Variants in EPB41L2 observed in about 807,000 individuals in gnomAD.
EPB41L2 encodes erythrocyte membrane protein band 4.1 like 2.
EPB41L2 carries 43 observed loss-of-function variants against 113.0 expected under a neutral mutation model. The observed-to-expected ratio is 0.38, with a 90% CI of 0.30 to 0.49. EPB41L2 has a LOEUF of 0.49. Among genes scored for constraint, EPB41L2 ranks in the 20% least tolerant of loss-of-function variants. The pLI, the probability that EPB41L2 is intolerant of heterozygous loss-of-function variation, is 0.95. For missense variants in EPB41L2, 1,147 were observed against 1,223.4 expected, an observed-to-expected ratio of 0.94 and a Z score of 0.93; for synonymous variants, 442 against 436.7, an observed-to-expected ratio of 1.01 and a Z score of -0.15.
In EPB41L2 at chr6:130,839,576, C is replaced by G; in HGVS notation, c.*1028G>C. 6.6e-6 allele frequency: 1 copy of G among 152,198 alleles called. No homozygotes were observed. Among genetic ancestry groups the G allele is most frequent in the Non-Finnish European group, 1.5e-5 (1 of 68,052 alleles). 9.4% of individuals were successfully genotyped at this position (152,198 alleles called of 1,614,324 possible). A position where few individuals can be genotyped will look rare whatever the true frequency, so the allele number is the denominator to read the frequency against. On this transcript the variant is annotated 3_prime_UTR_variant, in exon 20 of 20. Coordinates refer to ENST00000337057, the MANE Select transcript of EPB41L2 (RefSeq NM_001431.4). Reference sequence around the variant, plus strand: ...ACAGAACACCACCACAGCCCCCTCCCCCTCTCCCCAGCATCCTCAAACCTG... The same window carrying G: ...ACAGAACACCACCACAGCCCCCTCCGCCTCTCCCCAGCATCCTCAAACCTG...
intron 13 of EPB41L2, among the ~76,000 whole-genome samples, chr6:130,878,935 A>C (rs1294069764): frequency 6.6e-6 from 1 of 152,218 alleles, no homozygotes; most frequent in African/African-American, 2.4e-5. Context: ...TGCCAAGCAC[A>C]AAAGTGGGGT....
chr6:130,951,057 G>T (rs1463182629), intron 3 of EPB41L2, among the ~76,000 whole-genome samples: 4 of 151,966 alleles, frequency 2.6e-5, no homozygotes, highest in African/African-American at 4.8e-5. Flanking sequence ...AGGAGTTTGA[G>T]ACCAGCCTGG....
At chr6:130,901,964 T>C (rs1338709639) in intron 6 of EPB41L2, among the ~76,000 whole-genome samples, 1 of 152,252 alleles carries the variant, frequency 6.6e-6, no homozygotes, top group Non-Finnish European at 1.5e-5. Context: ...ACTACGGTTA[T>C]AAAAGAATTT....
chr6:130,964,066 G>A (rs973588787), intron 1 of EPB41L2, among the ~76,000 whole-genome samples: 76 of 151,788 alleles, frequency 5.0e-4, no homozygotes, highest in African/African-American at 1.8e-3. Context: ...TGTCGCCCAG[G>A]GCTGAAGTGC....
intron 1 of EPB41L2, among the ~76,000 whole-genome samples, chr6:130,999,748 T>C (rs1202312737): frequency 2.0e-5 from 3 of 152,168 alleles, no homozygotes; most frequent in East Asian, 1.9e-4. Flanking sequence ...CTGAATCATA[T>C]TAATTTTAGA....
In EPB41L2 at chr6:130,858,293, C is replaced by T. The variant is rs146019729; in HGVS notation, c.2911-50G>A. 3.5e-4 allele frequency: 513 copies of T among 1,457,034 alleles called. 7 individuals carry two copies. The East Asian group carries it at 9.7e-3, about 28-fold the overall frequency. 90.3% of individuals were successfully genotyped at this position (1,457,034 alleles called of 1,614,324 possible). ...GCTGTGAGCTGGGGAACAGCCTCCA[C>T]CTCACAATGGCAAAACACACACACA... On this transcript the variant is annotated intron_variant, in intron 18 of 19. Transcript: ENST00000337057.
intron 2 of EPB41L2, among the ~76,000 whole-genome samples, chr6:130,955,713 A>G (rs1817220056): frequency 6.6e-6 from 1 of 152,230 alleles, no homozygotes; most frequent in Non-Finnish European, 1.5e-5. Flanking sequence ...ATAAAAGAGC[A>G]TTCTGTTTAA....
Position 130,956,070 on chromosome 6 carries a change from A to G in EPB41L2, c.416T>C (p.Ile139Thr), listed in dbSNP as rs1817340547. 2 of 1,613,720 alleles carry G rather than the reference A, an allele frequency of 1.2e-6. No individual in the cohort carries two copies. The highest frequency in any genetic ancestry group is 8.5e-7 in the Non-Finnish European group (1 of 1,179,944). ...AEEMAQKKQE[I>T]KVEVKEEKPS... ...TTTTTCTTCCTTGACTTCAACTTTA[A>G]TCTCTTGTTTCTTCTGAGCCATTTC... The change falls in exon 2 of 20, where the codon ATT becomes ACT. Residue 139 changes from isoleucine (I) to threonine (T), a missense_variant. Physicochemically the swap from Ile to Thr is moderately conservative, Grantham distance 89. Transcript: ENST00000337057.
At chr6:130,862,206 T>C (rs574654715) in intron 18 of EPB41L2, among the ~76,000 whole-genome samples, 62 of 152,324 alleles carry the variant, frequency 4.1e-4, no homozygotes, top group African/African-American at 1.4e-3. Flanking sequence ...ATTTTGGCTT[T>C]TGTTATAAAA....
chr6:130,976,250 T>G (rs1233002947), intron 1 of EPB41L2, among the ~76,000 whole-genome samples: 2 of 152,172 alleles, frequency 1.3e-5, no homozygotes, highest in African/African-American at 2.4e-5. Context: ...TACTGACATA[T>G]CTGATGTAGG....
intron 1 of EPB41L2, among the ~76,000 whole-genome samples, chr6:131,041,718 T>C (rs1419379526): frequency 4.0e-5 from 6 of 151,796 alleles, no homozygotes; most frequent in Non-Finnish European, 7.4e-5. Context: ...CAATTGAATA[T>C]AGAAAAAACA....
At chr6:130,885,397 G>T (rs1018548698) in intron 11 of EPB41L2, 129 bp from the exon 12 acceptor site, 1 of 791,814 alleles carries the variant, frequency 1.3e-6, no homozygotes, top group African/African-American at 1.7e-5. Context: ...CATTGCTTGA[G>T]CTCTGAAAAT....
chr6:130,872,182 C>A (rs1212570539), intron 14 of EPB41L2, among the ~76,000 whole-genome samples: 1 of 151,970 alleles, frequency 6.6e-6, no homozygotes, highest in Non-Finnish European at 1.5e-5. Context: ...ACCAAAGAAG[C>A]AGGAGAAACA....
intron 1 of EPB41L2, among the ~76,000 whole-genome samples, chr6:130,976,150 A>G (rs892017043): frequency 1.3e-5 from 2 of 152,206 alleles, no homozygotes; most frequent in South Asian, 4.1e-4. Flanking sequence ...CAGGAGTTTC[A>G]TGACTCTTCA....
At chr6:130,909,377 T>C (rs1457651075) in intron 4 of EPB41L2, among the ~76,000 whole-genome samples, 2 of 152,164 alleles carry the variant, frequency 1.3e-5, no homozygotes, top group Non-Finnish European at 2.9e-5. Flanking sequence ...TCTATAATTG[T>C]AAGGAGAGGT....
intron 1 of EPB41L2, among the ~76,000 whole-genome samples, chr6:130,966,384 G>C (rs545436682): frequency 6.6e-6 from 1 of 152,318 alleles, no homozygotes; most frequent in South Asian, 2.1e-4. Flanking sequence ...CAAACAGCAA[G>C]ATTCAGACGG....
At chr6:130,942,678 G>C (rs1244595634) in intron 3 of EPB41L2, among the ~76,000 whole-genome samples, 2 of 152,132 alleles carry the variant, frequency 1.3e-5, no homozygotes, top group Non-Finnish European at 2.9e-5. Context: ...AGGTATACAT[G>C]TGCCATGGTG....
intron 1 of EPB41L2, among the ~76,000 whole-genome samples, chr6:131,031,020 A>T (rs1329619866): frequency 6.6e-6 from 1 of 152,018 alleles, no homozygotes; most frequent in Non-Finnish European, 1.5e-5. Context: ...TGAGCCCAAG[A>T]GGTTAAGGAT....
intron 1 of EPB41L2, among the ~76,000 whole-genome samples, chr6:131,059,114 CTT>C (rs1554361720): frequency 3.0e-5 from 4 of 131,354 alleles, no homozygotes; most frequent in Non-Finnish European, 4.8e-5. Context: ...TTACCTATAA[CTT>C]TTTTTTTTTT....
Sources: allele counts gnomAD v4.1 joint callset (sites outside exome capture counted in the v4.1 genomes callset), GRCh38; gene constraint gnomAD v4.1.1; transcripts MANE v1.5; gene names NCBI Gene and HGNC (gene_info 2026-07-23, HGNC 2026-07-21).